The following IGSF3 variants were observed in gnomAD, a reference collection of about 807,000 sequenced individuals.
The protein encoded by IGSF3 is glu-Trp-Ile EWI motif-containing protein 3.
A neutral mutation model predicts 114.4 loss-of-function variants in IGSF3; 23 were observed. The ratio of observed to expected loss-of-function variants is 0.20; its 90% confidence interval spans 0.14 to 0.28. IGSF3 has a LOEUF of 0.28. IGSF3 is among the 10% of genes least tolerant of loss of function. The pLI is 1.00. For synonymous variants in IGSF3, 571 were observed against 645.2 expected (o/e 0.88, Z 1.74); for missense variants, 1,172 against 1,591.5 (o/e 0.74, Z 4.48).
In IGSF3 at chr1:116,589,975, G is replaced by A. The variant is rs1318196397; in HGVS notation, c.2030-871C>T. Among the ~76,000 whole-genome samples, 1 of 152,190 alleles carries A rather than the reference G, an allele frequency of 6.6e-6. No homozygotes were observed. Among genetic ancestry groups the A allele is most frequent in the Admixed American group, 6.5e-5 (1 of 15,274 alleles). ...CCTGGGCCAGGAAAGCATTTGATCA[G>A]TGTTTGCTGAAATAGGTGAACGAGT... On this transcript the variant is annotated intron_variant, in intron 7 of 10. Transcript: ENST00000369486. This position sits in a 1 kb window ranked among gnomAD's most constrained non-coding sequence, Gnocchi z 5.7.
At chr1:116,659,657 C>T (rs1571198679) in intron 2 of IGSF3, among the ~76,000 whole-genome samples, 1 of 152,034 alleles carries the variant, frequency 6.6e-6, no homozygotes, top group Non-Finnish European at 1.5e-5. Flanking sequence ...GGGGGCCACC[C>T]AGGCTAGAGT....
chr1:116,628,115 G>A lies in IGSF3; in HGVS notation c.44-11658C>T, dbSNP rs114863202. Among the ~76,000 whole-genome samples, 2,818 of 152,312 alleles carry A rather than the reference G, an allele frequency of 0.019. 88 individuals carry two copies. The highest frequency in any genetic ancestry group is 0.064 in the African/African-American group (2,673 of 41,556). ...GCTCCAGTGTGTGGGCAGAAGTGGA[G>A]AGGATGGAGAAAGGATACAAAAAGA... On this transcript the variant is annotated intron_variant, in intron 2 of 10. Coordinates refer to ENST00000369486, the MANE Select transcript of IGSF3 (RefSeq NM_001007237.3). The surrounding 1 kb of genome is among the most constrained non-coding windows in gnomAD (Gnocchi z 4.2).
In IGSF3 at chr1:116,574,678, T is replaced by C. The variant is rs1659264726; in HGVS notation, c.*2634A>G. 6.6e-6 allele frequency: 1 copy of C among 152,632 alleles called. No homozygotes were observed. The allele number at this position is 152,632 out of a possible 1,614,324, so 9.5% of individuals were successfully genotyped here. A position where few individuals can be genotyped will look rare whatever the true frequency, so the allele number is the denominator to read the frequency against. On this transcript the variant is annotated 3_prime_UTR_variant, in exon 11 of 11. Coordinates refer to ENST00000369486, the MANE Select transcript of IGSF3 (RefSeq NM_001007237.3). The surrounding 1 kb of genome is among the most constrained non-coding windows in gnomAD (Gnocchi z 5.2). ...GTCCTAGAATGCGCCTAGCACAGTG[T>C]AGTTTTTCATAAATGCAACATTGTA...
intron 9 of IGSF3, among the ~76,000 whole-genome samples, chr1:116,580,777 G>T (rs1486000637): frequency 6.6e-6 from 1 of 152,232 alleles, no homozygotes; most frequent in Non-Finnish European, 1.5e-5. Context: ...GTCCTTATGA[G>T]CACAGGAGAG....
At chr1:116,641,708 G>A (rs1648111624) in intron 2 of IGSF3, among the ~76,000 whole-genome samples, 1 of 151,838 alleles carries the variant, frequency 6.6e-6, no homozygotes, top group Non-Finnish European at 1.5e-5. Context: ...AGGAAGACCA[G>A]GAAGGGAAGC....
At position 116,600,835 on chromosome 1, in the gene IGSF3, A is replaced by G. The variant is rs1031457551; in HGVS notation, c.1625-490T>C. Among the ~76,000 whole-genome samples the G allele has an allele frequency of 1.3e-5, 2 of 152,164 alleles. No individual in the cohort carries two copies. The highest frequency in any genetic ancestry group is 2.9e-5 in the Non-Finnish European group (2 of 68,028). On this transcript the variant is annotated intron_variant, in intron 6 of 10. Transcript: ENST00000369486. The surrounding 1 kb of genome is among the most constrained non-coding windows in gnomAD (Gnocchi z 5.5). ...AGGGAAGCAGATGGAGTCGGCCTCC[A>G]GTCCCTTTCTCACGTCCCTCATGAA...
At chr1:116,617,977 A>C (rs191058615) in intron 2 of IGSF3, among the ~76,000 whole-genome samples, 1 of 152,254 alleles carries the variant, frequency 6.6e-6, no homozygotes, top group African/African-American at 2.4e-5. Flanking sequence ...GGCTATGCCT[A>C]TCTGAAGTGG....
intron 10 of IGSF3, among the ~76,000 whole-genome samples, chr1:116,578,995 A>AGT (rs1659472260): frequency 1.3e-5 from 2 of 152,258 alleles, no homozygotes; most frequent in South Asian, 4.1e-4. Flanking sequence ...ACAGTGAGGT[A>AGT]GTCAGCCTTC....
intron 2 of IGSF3, among the ~76,000 whole-genome samples, chr1:116,637,203 A>G (rs1647872499): frequency 1.3e-5 from 2 of 152,172 alleles, no homozygotes; most frequent in East Asian, 1.9e-4. Context: ...CTGCGTGCAG[A>G]TAGATGCACA....
In IGSF3 at chr1:116,600,239, G is replaced by A. The variant is rs375095124; in HGVS notation, c.1731C>T (p.Pro577=). The A allele has an allele frequency of 1.9e-5, 31 of 1,614,086 alleles. No individual in the cohort carries two copies. The highest frequency in any genetic ancestry group is 6.7e-5 in the African/African-American group (5 of 74,942). The change falls in exon 7 of 11, where the codon CCC becomes CCT. Residue 577 remains proline (P), a synonymous_variant. Coordinates refer to ENST00000369486, the MANE Select transcript of IGSF3 (RefSeq NM_001007237.3). This position sits in a 1 kb window ranked among gnomAD's most constrained non-coding sequence, Gnocchi z 5.5. ...GCTGGAACCGCCATGTCACCGACACGGGGACCCAGGCAGGGTAGTGGGGTT... is the reference window on the plus strand; with the variant it reads ...GCTGGAACCGCCATGTCACCGACACAGGGACCCAGGCAGGGTAGTGGGGTT... ...IIKPHYPAWV[P]VSVTWRFQPV...
intron 8 of IGSF3, among the ~76,000 whole-genome samples, chr1:116,586,038 C>T (rs1659829263): frequency 6.6e-6 from 1 of 152,080 alleles, no homozygotes; most frequent in Non-Finnish European, 1.5e-5. Context: ...TCACAAGGGC[C>T]CAAATGAGTC....
Position 116,579,620 on chromosome 1 carries a change from C to T in IGSF3, c.3106G>A (p.Val1036Met), listed in dbSNP as rs778484193. ...GGGCCAAAGACAGCATCTGGGCCCA[C>T]GCTCAGCAGGGCCGTCCGCTCTGTT... ...DPTERTALLS[V>M]GPDAVFGPEG... is the part of the protein sequence containing the mutation. Residue 1036 changes from valine to methionine, a missense_variant, in exon 10 of 11, where the codon GTG becomes ATG. Physicochemically the swap from Val to Met is conservative, Grantham distance 21. Around this residue, in one of 3 missense-constraint regions of IGSF3, gnomAD observed 423 missense variants for 509.8 expected, o/e 0.83. Transcript: ENST00000369486. This position sits in a 1 kb window ranked among gnomAD's most constrained non-coding sequence, Gnocchi z 6.4. 6 of 1,614,098 alleles carry T rather than the reference C, an allele frequency of 3.7e-6. No individual in the cohort carries two copies. Among genetic ancestry groups the T allele is most frequent in the Non-Finnish European group, 5.1e-6 (6 of 1,180,022 alleles).
chr1:116,591,515 T>C (rs531170), intron 7 of IGSF3, among the ~76,000 whole-genome samples: 1 of 152,086 alleles, frequency 6.6e-6, no homozygotes, highest in Admixed American at 6.5e-5. Flanking sequence ...TCTGAGAACA[T>C]GAATTCAAGG....
chr1:116,583,552 G>T lies in IGSF3; in HGVS notation c.2848+1093C>A, dbSNP rs1200024360. ...ATGCAATATTCCACCAACGAAATGA[G>T]CTGCTCTACTCAGACATGAAGACAT... On this transcript the variant is annotated intron_variant, in intron 9 of 10. Transcript: ENST00000369486. This position sits in a 1 kb window ranked among gnomAD's most constrained non-coding sequence, Gnocchi z 4.5. 3.3e-5 allele frequency among the ~76,000 whole-genome samples: 5 copies of T among 152,136 alleles called. No homozygotes were observed. The highest frequency in any genetic ancestry group is 7.3e-5 in the Non-Finnish European group (5 of 68,028).
rs1648245464 is a variant in IGSF3 at position 116,644,422 on chromosome 1, C to A, written c.43+21862G>T. On this transcript the variant is annotated intron_variant, in intron 2 of 10. Coordinates refer to ENST00000369486, the MANE Select transcript of IGSF3 (RefSeq NM_001007237.3). This position sits in a 1 kb window ranked among gnomAD's most constrained non-coding sequence, Gnocchi z 5.6. ...ACAGCAGGAATTCAGCCTCTGGCAG[C>A]CGTGATGATGCTGAGGCAGTGTCCC... 6.6e-6 allele frequency among the ~76,000 whole-genome samples: 1 copy of A among 152,230 alleles called. No individual in the cohort carries two copies. Among genetic ancestry groups the A allele is most frequent in the Non-Finnish European group, 1.5e-5 (1 of 68,042 alleles).
chr1:116,574,962 G>A lies in IGSF3; in HGVS notation c.*2350C>T, dbSNP rs1230985986. ...AAGCAATTATTAAAATACTGGCTTC[G>A]GTTTCTTTTTTTCCTTTCAAATTTC... is the stretch of plus-strand genomic sequence containing the variant. On this transcript the variant is annotated 3_prime_UTR_variant, in exon 11 of 11. Transcript: ENST00000369486. The surrounding 1 kb of genome is among the most constrained non-coding windows in gnomAD (Gnocchi z 5.2). 2.0e-5 allele frequency: 3 copies of A among 152,536 alleles called. No individual in the cohort carries two copies. Among genetic ancestry groups the A allele is most frequent in the East Asian group, 1.9e-4 (1 of 5,200 alleles). The allele number at this position is 152,536 out of a possible 1,614,324, so 9.4% of individuals were successfully genotyped here.
Position 116,575,340 on chromosome 1 carries a change from A to G in IGSF3, c.*1972T>C, listed in dbSNP as rs1225767082. On this transcript the variant is annotated 3_prime_UTR_variant, in exon 11 of 11. Transcript: ENST00000369486. The surrounding 1 kb of genome is among the most constrained non-coding windows in gnomAD (Gnocchi z 5.6). Reference sequence around the variant, plus strand: ...AGGATTAAGGTGGTGGTGCCTGCACACACTGTCTCACAGGAGGGTACGGTA... The same window carrying G: ...AGGATTAAGGTGGTGGTGCCTGCACGCACTGTCTCACAGGAGGGTACGGTA... 2 of 152,704 alleles carry G rather than the reference A, an allele frequency of 1.3e-5. No individual in the cohort carries two copies. Among genetic ancestry groups the G allele is most frequent in the African/African-American group, 4.8e-5 (2 of 41,458 alleles). 9.5% of individuals were successfully genotyped at this position (152,704 alleles called of 1,614,324 possible). A position where few individuals can be genotyped will look rare whatever the true frequency, so the allele number is the denominator to read the frequency against.
rs1648780651 is a variant in IGSF3 at position 116,654,807 on chromosome 1, C to T, written c.43+11477G>A. 6.6e-6 allele frequency among the ~76,000 whole-genome samples: 1 copy of T among 152,158 alleles called. No homozygotes were observed. Among genetic ancestry groups the T allele is most frequent in the African/African-American group, 2.4e-5 (1 of 41,402 alleles). On this transcript the variant is annotated intron_variant, in intron 2 of 10. Transcript: ENST00000369486. This position sits in a 1 kb window ranked among gnomAD's most constrained non-coding sequence, Gnocchi z 4.4. Reference sequence around the variant, plus strand: ...AGCAGTAATAAGGACGTTCCACACACCCAGGACTTGGGATATTTGTGTATT... The same window carrying T: ...AGCAGTAATAAGGACGTTCCACACATCCAGGACTTGGGATATTTGTGTATT...
intron 5 of IGSF3, chr1:116,606,416 G>A (rs1281328072): frequency 3.1e-6 from 5 of 1,605,702 alleles, no homozygotes; most frequent in South Asian, 1.1e-5. Context: ...GGTCTCTTAG[G>A]AGGAAAAGCG....
Sources: gnomAD v4.1 joint callset for allele counts (sites outside exome capture counted in the v4.1 genomes callset) on GRCh38, gnomAD v4.1.1 for gene constraint, gnomAD v4.1.1 regional missense constraint, Gnocchi (gnomAD v3.1) non-coding constraint, MANE v1.5 for transcripts, NCBI Gene and HGNC (gene_info 2026-07-23, HGNC 2026-07-21) for gene names.